SMOC2: variants seen among roughly 807,000 people sequenced by gnomAD.
SMOC2 encodes SPARC-related modular calcium-binding protein 2.
Under a neutral mutation model 61.4 loss-of-function variants are expected in SMOC2, and 39 were observed. That is an observed-to-expected ratio of 0.64 (90% CI 0.49 to 0.83). The LOEUF (loss-of-function observed/expected upper bound fraction) is 0.83. Ranked by LOEUF, SMOC2 falls within the 40% of genes least tolerant of loss-of-function variation. SMOC2 has a pLI of 0.00. For synonymous variants in SMOC2, 247 were observed against 239.9 expected (o/e 1.03, Z -0.27); for missense variants, 556 against 592.9 (o/e 0.94, Z 0.65).
At chr6:168,624,050 G>A (rs1470405444) in intron 9 of SMOC2, among the ~76,000 whole-genome samples, 1 of 152,222 alleles carries the variant, frequency 6.6e-6, no homozygotes, top group African/African-American at 2.4e-5. Flanking sequence ...AGAAGCCCCT[G>A]ACTTCCCACA....
At chr6:168,522,982 C>T (rs1783365116) in intron 2 of SMOC2, among the ~76,000 whole-genome samples, 2 of 151,604 alleles carry the variant, frequency 1.3e-5, no homozygotes, top group Non-Finnish European at 2.9e-5. Flanking sequence ...GCTGAGGTGG[C>T]AGTTGCCCAA....
intron 9 of SMOC2, among the ~76,000 whole-genome samples, chr6:168,643,344 C>A (rs985108122): frequency 3.3e-5 from 5 of 152,174 alleles, no homozygotes; most frequent in Non-Finnish European, 5.9e-5. Flanking sequence ...CTCATAAGAC[C>A]TCCTGGGTTT....
chr6:168,488,999 T>C (rs1782402310), intron 1 of SMOC2, among the ~76,000 whole-genome samples: 1 of 150,628 alleles, frequency 6.6e-6, no homozygotes, highest in African/African-American at 2.5e-5. Flanking sequence ...TGGATCACAG[T>C]TTTAGAGTGA....
At chr6:168,498,590 G>A (rs571525198) in intron 1 of SMOC2, among the ~76,000 whole-genome samples, 4 of 152,380 alleles carry the variant, frequency 2.6e-5, no homozygotes, top group South Asian at 2.1e-4. Context: ...TTTTCTGATC[G>A]CCCTTCCTGC....
chr6:168,661,723 G>A (rs1787514890), intron 11 of SMOC2, among the ~76,000 whole-genome samples: 1 of 152,088 alleles, frequency 6.6e-6, no homozygotes, highest in Non-Finnish European at 1.5e-5. Flanking sequence ...TAATCAGCAA[G>A]CAATACAAAA....
rs1787170149 is a variant in SMOC2, at chr6:168,650,716, A to G, written c.943A>G (p.Ser315Gly). The change falls in exon 10 of 13, where the codon AGC (serine) becomes GGC (glycine). Residue 315 changes from serine to glycine, a missense_variant. By Grantham distance (56) the Ser-to-Gly change is moderately conservative. Transcript: ENST00000356284. ...TGCCAAAAAGCATGAGTTTCTGACC[A>G]GCGTTCTGGACGCGCTGTCCACGGA... ...PGAKKHEFLT[S>G]VLDALSTDMV... 6.2e-7 allele frequency: 1 copy of G among 1,613,746 alleles called. No homozygotes were observed. The highest frequency in any genetic ancestry group is 1.3e-5 in the African/African-American group (1 of 74,934).
At chr6:168,503,557 G>C (rs16887013) in intron 1 of SMOC2, among the ~76,000 whole-genome samples, 7,288 of 152,234 alleles carry the variant, frequency 0.048, 573 homozygotes, top group African/African-American at 0.16. Context: ...ACATATGAAA[G>C]AGCTCGTTAT....
chr6:168,444,249 A>G (rs1367549211), intron 1 of SMOC2, among the ~76,000 whole-genome samples: 2 of 151,892 alleles, frequency 1.3e-5, no homozygotes, highest in South Asian at 4.2e-4. Context: ...TACTCCATTC[A>G]TTTCTTCTCA....
At chr6:168,522,443 G>C (rs2115068997) in intron 2 of SMOC2, among the ~76,000 whole-genome samples, 1 of 152,284 alleles carries the variant, frequency 6.6e-6, no homozygotes, top group African/African-American at 2.4e-5. Context: ...AAGATCCTAA[G>C]TGTTCATCCA....
intron 7 of SMOC2, among the ~76,000 whole-genome samples, chr6:168,576,347 C>T (rs1784803349): frequency 6.6e-6 from 1 of 152,128 alleles, no homozygotes; most frequent in Non-Finnish European, 1.5e-5. Flanking sequence ...GCTGTATCTA[C>T]TGACATCAGT....
chr6:168,595,593 T>A (rs4708756), intron 7 of SMOC2, among the ~76,000 whole-genome samples: 35,257 of 151,998 alleles, frequency 0.23, 4,293 homozygotes, highest in East Asian at 0.36. Flanking sequence ...CTGCCTCCAC[T>A]GTGGCCCTTA....
intron 7 of SMOC2, among the ~76,000 whole-genome samples, chr6:168,571,308 T>C (rs1373526509): frequency 3.9e-5 from 6 of 152,148 alleles, no homozygotes; most frequent in Admixed American, 3.9e-4. Context: ...CACCGGTGGG[T>C]GTGTGAATAC....
At chr6:168,527,542 G>A in intron 3 of SMOC2, 86 bp from the exon 4 acceptor site, 3 of 950,768 alleles carry the variant, frequency 3.2e-6, no homozygotes, top group Admixed American at 4.1e-5. Context: ...CTGAGCCACT[G>A]CCGCAGAAAG....
chr6:168,469,408 A>G (rs1277936055), intron 1 of SMOC2, among the ~76,000 whole-genome samples: 1 of 152,184 alleles, frequency 6.6e-6, no homozygotes, highest in African/African-American at 2.4e-5. Flanking sequence ...GGGGTAATTT[A>G]GTGTGTTTTG....
At chr6:168,539,813 T>C (rs887025572) in intron 4 of SMOC2, among the ~76,000 whole-genome samples, 1 of 152,182 alleles carries the variant, frequency 6.6e-6, no homozygotes, top group African/African-American at 2.4e-5. Context: ...CTCACCCCTT[T>C]ACTCTTCCTC....
chr6:168,653,357 A>C lies in SMOC2; in HGVS notation c.1285+129A>C, dbSNP rs1403138606. On this transcript the variant is annotated intron_variant, in intron 11 of 12. Transcript: ENST00000356284. ...GTGCAAAAAATCAAATATGCTGTTTAATTGTTGGGCGTCTGTTTGCAGAAA... is the reference window on the plus strand; with the variant it reads ...GTGCAAAAAATCAAATATGCTGTTTCATTGTTGGGCGTCTGTTTGCAGAAA... 2.7e-5 allele frequency: 30 copies of C among 1,096,222 alleles called. 1 individual carries two copies. In the South Asian group the frequency reaches 2.9e-4, roughly 11 times the overall value. The allele number at this position is 1,096,222 out of a possible 1,614,324, so 67.9% of individuals were successfully genotyped here.
At chr6:168,558,106 C>T (rs987776346) in intron 7 of SMOC2, among the ~76,000 whole-genome samples, 6 of 152,182 alleles carry the variant, frequency 3.9e-5, no homozygotes, top group Non-Finnish European at 5.9e-5. Context: ...GCTTCAGAAG[C>T]GATCTCATGG....
chr6:168,599,506 ACT>A (rs372989925), intron 8 of SMOC2, among the ~76,000 whole-genome samples: 18,089 of 58,512 alleles, frequency 0.31, 2,209 homozygotes, highest in East Asian at 0.44. Flanking sequence ...ACCCACTGAC[ACT>A]CACACACACA....
chr6:168,452,739 C>T lies in SMOC2; in HGVS notation c.84+11285C>T, dbSNP rs1296560844. Among the ~76,000 whole-genome samples the T allele has an allele frequency of 2.6e-5, 4 of 152,194 alleles. No homozygotes were observed. Among genetic ancestry groups the T allele is most frequent in the African/African-American group, 9.6e-5 (4 of 41,454 alleles). On this transcript the variant is annotated intron_variant, in intron 1 of 12. Transcript: ENST00000356284. This position sits in a 1 kb window ranked among gnomAD's most constrained non-coding sequence, Gnocchi z 5.0. ...TTCCTAGTCCCTTCCCTCATTTCTA[C>T]TACCTTTTAATTTCGTTTTGTTTTG...
Sources: allele counts gnomAD v4.1 joint callset (sites outside exome capture counted in the v4.1 genomes callset), GRCh38; gene constraint gnomAD v4.1.1; non-coding constraint Gnocchi (gnomAD v3.1); transcripts MANE v1.5; gene names NCBI Gene and HGNC (gene_info 2026-07-23, HGNC 2026-07-21).